Variants in TGFBRAP1 observed in about 807,000 individuals in gnomAD.
TGFBRAP1 encodes transforming growth factor-beta receptor-associated protein 1.
TGFBRAP1 carries 20 observed loss-of-function variants against 83.2 expected under a neutral mutation model. The observed-to-expected ratio is 0.24, with a 90% confidence interval of 0.17 to 0.35. The LOEUF (loss-of-function observed/expected upper bound fraction) is 0.35. Ranked by LOEUF, TGFBRAP1 falls within the 10% of genes least tolerant of loss-of-function variation. The probability of loss-of-function intolerance (pLI) is 1.00; values close to 1 mark genes in which losing one functional copy is unlikely to be tolerated. For synonymous variants in TGFBRAP1, 415 were observed against 459.8 expected (o/e 0.90, Z 1.25); for missense variants, 950 against 1,099.4 (o/e 0.86, Z 1.92).
downstream of TGFBRAP1, among the ~76,000 whole-genome samples, chr2:105,262,371 GTCTC>G (rs748581518): frequency 7.9e-4 from 120 of 152,202 alleles, no homozygotes; most frequent in Non-Finnish European, 1.1e-3. Flanking sequence ...CCTCCTCACT[GTCTC>G]TCTCCAGCTC....
chr2:105,259,015 C>T, the TGFBRAP1 span, among the ~76,000 whole-genome samples: 2 of 152,190 alleles, frequency 1.3e-5, no homozygotes, highest in Non-Finnish European at 2.9e-5. Flanking sequence ...TGTTGAGTTG[C>T]ATGAAATTAC....
At chr2:105,317,160 C>A (rs1678910863) in intron 1 of TGFBRAP1, among the ~76,000 whole-genome samples, 2 of 152,046 alleles carry the variant, frequency 1.3e-5, no homozygotes, top group Admixed American at 1.3e-4. Flanking sequence ...TAGATTCTGC[C>A]AGGTATAGTG....
At position 105,291,769 on chromosome 2, in the gene TGFBRAP1, G is replaced by A. The variant is rs538464181; in HGVS notation, c.1038+4587C>T. On this transcript the variant is annotated intron_variant, in intron 4 of 11. Transcript: ENST00000393359. Reference sequence around the variant, plus strand: ...AGTGGGGATTGCCTGGGCCGGGTGCGGAGGGAATGGGTGGGCATACAGTGG... The same window carrying A: ...AGTGGGGATTGCCTGGGCCGGGTGCAGAGGGAATGGGTGGGCATACAGTGG... Among the ~76,000 whole-genome samples, 20 of 152,288 alleles carry A rather than the reference G, an allele frequency of 1.3e-4. No homozygotes were observed. In the East Asian group the frequency reaches 1.7e-3, roughly 13 times the overall value.
At chr2:105,250,562 GGCT>G in the TGFBRAP1 span, among the ~76,000 whole-genome samples, 1 of 147,590 alleles carries the variant, frequency 6.8e-6, no homozygotes, top group African/African-American at 2.5e-5. Flanking sequence ...AAATTGGAAA[GGCT>G]CCTCCTCTCC....
At chr2:105,318,608 C>T (rs1382509102) in intron 1 of TGFBRAP1, among the ~76,000 whole-genome samples, 1 of 152,172 alleles carries the variant, frequency 6.6e-6, no homozygotes, top group East Asian at 1.9e-4. Context: ...CATGGAAGCA[C>T]ATTTATCAAA....
chr2:105,319,657 A>G (rs1029144709), intron 1 of TGFBRAP1, among the ~76,000 whole-genome samples: 1 of 145,666 alleles, frequency 6.9e-6, no homozygotes, highest in African/African-American at 2.5e-5. Context: ...ATGCCACTGC[A>G]CTCCAGCCTG....
intron 1 of TGFBRAP1, among the ~76,000 whole-genome samples, chr2:105,316,617 C>T (rs1420091025): frequency 1.3e-5 from 2 of 151,916 alleles, no homozygotes; most frequent in East Asian, 3.9e-4. Context: ...GAGTTCGAGA[C>T]CAGCCTGGAC....
chr2:105,318,828 A>G (rs1678967794), intron 1 of TGFBRAP1, among the ~76,000 whole-genome samples: 1 of 152,186 alleles, frequency 6.6e-6, no homozygotes, highest in Non-Finnish European at 1.5e-5. Context: ...ATGGGCGTGT[A>G]TACCGTCTGG....
intron 5 of TGFBRAP1, among the ~76,000 whole-genome samples, chr2:105,283,245 A>C (rs3792044): frequency 0.17 from 26,082 of 152,248 alleles, 2,579 homozygotes; most frequent in Middle Eastern, 0.27. Context: ...ATCATTATTC[A>C]AGGAATGATT....
intron 1 of TGFBRAP1, among the ~76,000 whole-genome samples, chr2:105,310,474 C>T (rs1347839096): frequency 6.6e-6 from 1 of 152,118 alleles, no homozygotes. Context: ...GACATCTTCA[C>T]ACTCACCTAC....
At chr2:105,301,972 A>G (rs1678309434) in intron 2 of TGFBRAP1, among the ~76,000 whole-genome samples, 1 of 150,568 alleles carries the variant, frequency 6.6e-6, no homozygotes, top group Non-Finnish European at 1.5e-5. Flanking sequence ...AAACTTATAT[A>G]ACAGAGAAGT....
the TGFBRAP1 span, among the ~76,000 whole-genome samples, chr2:105,255,975 A>G: frequency 2.6e-5 from 4 of 152,146 alleles, no homozygotes; most frequent in Non-Finnish European, 5.9e-5. Flanking sequence ...CAACCTGTTC[A>G]GCAGCAGTCA....
chr2:105,298,804 A>G (rs899541247), intron 2 of TGFBRAP1, 99 bp from the exon 3 acceptor site: 47 of 1,146,358 alleles, frequency 4.1e-5, no homozygotes, highest in Admixed American at 9.0e-5. Flanking sequence ...GCCCACCAGC[A>G]ATTTTCCTGT....
chr2:105,325,073 G>A (rs1679184899), intron 1 of TGFBRAP1: 1 of 152,300 alleles, frequency 6.6e-6, no homozygotes, highest in Non-Finnish European at 1.5e-5. Context: ...AGCTACTTCT[G>A]GATGAAGAGG....
At chr2:105,310,879 G>A (rs2104399206) in intron 1 of TGFBRAP1, among the ~76,000 whole-genome samples, 1 of 152,246 alleles carries the variant, frequency 6.6e-6, no homozygotes, top group East Asian at 1.9e-4. Context: ...TTAAATGGCA[G>A]GAGTAAGCAG....
the TGFBRAP1 span, among the ~76,000 whole-genome samples, chr2:105,250,845 G>A: frequency 2.6e-5 from 4 of 152,222 alleles, no homozygotes; most frequent in Non-Finnish European, 1.5e-5. Flanking sequence ...TGATGGAGAC[G>A]GGGTTTCGCC....
the TGFBRAP1 span, among the ~76,000 whole-genome samples, chr2:105,250,835 T>G: frequency 2.6e-5 from 4 of 152,376 alleles, no homozygotes; most frequent in Non-Finnish European, 5.9e-5. Flanking sequence ...CGTATTTTTT[T>G]GATGGAGACG....
chr2:105,271,712 G>A (rs1195038167), intron 10 of TGFBRAP1, among the ~76,000 whole-genome samples: 18 of 152,144 alleles, frequency 1.2e-4, no homozygotes, highest in Non-Finnish European at 1.5e-5. Flanking sequence ...CCTATGCTGG[G>A]CATATCTAGT....
the TGFBRAP1 span, among the ~76,000 whole-genome samples, chr2:105,252,975 C>A: frequency 2.0e-5 from 3 of 152,052 alleles, no homozygotes; most frequent in South Asian, 6.2e-4. Context: ...AGGATGGTCT[C>A]GATCTCCTGA....
Sources: allele counts gnomAD v4.1 joint callset (sites outside exome capture counted in the v4.1 genomes callset), GRCh38; gene constraint gnomAD v4.1.1; transcripts MANE v1.5; gene names NCBI Gene and HGNC (gene_info 2026-07-23, HGNC 2026-07-21).